The following RBM20 variants were observed in gnomAD, a reference collection of about 807,000 sequenced individuals.
The protein encoded by RBM20 is RNA-binding protein 20.
A neutral mutation model predicts 110.1 loss-of-function variants in RBM20; 51 were observed. The observed-to-expected ratio is 0.46, with a 90% CI of 0.37 to 0.59. The LOEUF is 0.59. Ranked by LOEUF, RBM20 falls within the 20% of genes least tolerant of loss-of-function variation. RBM20 has a pLI of 0.00. For synonymous variants in RBM20, 589 were observed against 618.2 expected, an observed-to-expected ratio of 0.95 and a Z score of 0.70; for missense variants, 1,512 against 1,574.9, an observed-to-expected ratio of 0.96 and a Z score of 0.68.
At chr10:110,768,155 G>T (rs563562267) in intron 1 of RBM20, among the ~76,000 whole-genome samples, 38 of 152,370 alleles carry the variant, frequency 2.5e-4, no homozygotes, top group African/African-American at 8.7e-4. Context: ...AGGCAGGGAG[G>T]TTGCAGTGAG....
At chr10:110,686,542 T>A (rs1237812176) in intron 1 of RBM20, among the ~76,000 whole-genome samples, 1 of 152,180 alleles carries the variant, frequency 6.6e-6, no homozygotes, top group East Asian at 1.9e-4. Context: ...GGAAGGTTGC[T>A]TGAGCCCAGG....
At chr10:110,730,916 C>G (rs762795390) in intron 1 of RBM20, among the ~76,000 whole-genome samples, 1 of 152,190 alleles carries the variant, frequency 6.6e-6, no homozygotes, top group Non-Finnish European at 1.5e-5. Context: ...GTCAAGCCGC[C>G]CCCCATCCTG....
At chr10:110,814,855 C>A (rs1342466431) in intron 9 of RBM20, among the ~76,000 whole-genome samples, 1 of 152,164 alleles carries the variant, frequency 6.6e-6, no homozygotes, top group Non-Finnish European at 1.5e-5. Context: ...TTTTGAAGAA[C>A]CTGGAGATAA....
chr10:110,796,656 G>A (rs918002003), intron 5 of RBM20, among the ~76,000 whole-genome samples: 1 of 152,232 alleles, frequency 6.6e-6, no homozygotes, highest in Non-Finnish European at 1.5e-5. Context: ...GGGAGGCTGA[G>A]TCGGGAGGAT....
In RBM20 at chr10:110,812,716, G is replaced by A. The variant is rs540436428; in HGVS notation, c.2319G>A (p.Lys773=). Residue 773 remains lysine (K), a synonymous_variant, in exon 9 of 14, where the codon AAG becomes AAA. Transcript: ENST00000369519. ...AAGCCAAGTCGGACAAGTATCTGAA[G>A]CAGCAGCAGGATGCCCCCGGGAGGT... ...EPKAKSDKYL[K]QQQDAPGRSR... 2 of 1,551,746 alleles carry A rather than the reference G, an allele frequency of 1.3e-6. No individual in the cohort carries two copies. Among genetic ancestry groups the A allele is most frequent in the Admixed American group, 2.0e-5 (1 of 51,010 alleles).
intron 1 of RBM20, among the ~76,000 whole-genome samples, chr10:110,669,271 G>A (rs1434212894): frequency 6.6e-6 from 1 of 152,230 alleles, no homozygotes; most frequent in Non-Finnish European, 1.5e-5. Flanking sequence ...CACTGGGAAG[G>A]AGTGTGGCAA....
chr10:110,797,447 G>A, intron 5 of RBM20, 61 bp from the exon 6 acceptor site: 9 of 1,451,606 alleles, frequency 6.2e-6, no homozygotes, highest in Non-Finnish European at 8.3e-6. Flanking sequence ...AAGAACGTCT[G>A]GAAGAGAGGG....
At chr10:110,750,442 A>G (rs1002857167) in intron 1 of RBM20, among the ~76,000 whole-genome samples, 1 of 152,164 alleles carries the variant, frequency 6.6e-6, no homozygotes, top group Non-Finnish European at 1.5e-5. Context: ...GCCAGCGCTC[A>G]CATTTTCTCT....
chr10:110,671,470 A>G (rs528152956), intron 1 of RBM20, among the ~76,000 whole-genome samples: 1 of 152,306 alleles, frequency 6.6e-6, no homozygotes, highest in Non-Finnish European at 1.5e-5. Context: ...CCCAGCTTTG[A>G]ATTCCAGCTT....
intron 1 of RBM20, among the ~76,000 whole-genome samples, chr10:110,725,763 A>T (rs963608623): frequency 2.0e-5 from 3 of 152,236 alleles, no homozygotes; most frequent in African/African-American, 4.8e-5. Context: ...AGGCAGCGTT[A>T]AATCTGTTGC....
intron 1 of RBM20, among the ~76,000 whole-genome samples, chr10:110,768,071 A>C (rs541111765): frequency 6.6e-6 from 1 of 152,248 alleles, no homozygotes; most frequent in African/African-American, 2.4e-5. Flanking sequence ...CCACCAAAAA[A>C]ATACGAAAAC....
intron 1 of RBM20, among the ~76,000 whole-genome samples, chr10:110,771,123 G>A (rs947694229): frequency 6.6e-6 from 1 of 152,174 alleles, no homozygotes. Flanking sequence ...TATACATGGA[G>A]CAGGCATGTC....
At chr10:110,673,661 G>A (rs1862292742) in intron 1 of RBM20, among the ~76,000 whole-genome samples, 2 of 152,206 alleles carry the variant, frequency 1.3e-5, no homozygotes, top group African/African-American at 4.8e-5. Context: ...AGCTTAGAAG[G>A]TACTGGCTGC....
chr10:110,768,988 A>G (rs1306693887), intron 1 of RBM20, among the ~76,000 whole-genome samples: 1 of 152,244 alleles, frequency 6.6e-6, no homozygotes, highest in Non-Finnish European at 1.5e-5. Flanking sequence ...ACAAATGGTC[A>G]TGCTGTTTGG....
At chr10:110,767,458 G>C (rs1844116712) in intron 1 of RBM20, among the ~76,000 whole-genome samples, 2 of 150,784 alleles carry the variant, frequency 1.3e-5, no homozygotes, top group African/African-American at 2.4e-5. Context: ...CAGACGGGGT[G>C]GCTGCCGGGC....
intron 1 of RBM20, among the ~76,000 whole-genome samples, chr10:110,698,818 T>A (rs1324851365): frequency 3.3e-5 from 5 of 152,206 alleles, no homozygotes; most frequent in Admixed American, 3.3e-4. Context: ...CTTCAGATGC[T>A]GGCAGAGGAT....
intron 4 of RBM20, 58 bp downstream of exon 4, chr10:110,784,490 A>G (rs1326924420): frequency 1.6e-6 from 2 of 1,227,104 alleles, no homozygotes; most frequent in Non-Finnish European, 2.3e-6. Context: ...CCACAGGCAC[A>G]TTATGTCCTG....
intron 6 of RBM20, 45 bp from the exon 7 acceptor site, chr10:110,799,742 A>G (rs1364243304): frequency 3.3e-5 from 50 of 1,529,522 alleles, no homozygotes; most frequent in Middle Eastern, 3.4e-4. Context: ...CTTGTTTAAG[A>G]CCATTAAAGT....
At chr10:110,757,438 A>G (rs1470467471) in intron 1 of RBM20, among the ~76,000 whole-genome samples, 5 of 152,202 alleles carry the variant, frequency 3.3e-5, no homozygotes, top group Non-Finnish European at 5.9e-5. Context: ...TAGTAAAACA[A>G]AGTTGGAGTA....
Sources: gnomAD v4.1 joint callset for allele counts (sites outside exome capture counted in the v4.1 genomes callset) on GRCh38, gnomAD v4.1.1 for gene constraint, MANE v1.5 for transcripts, NCBI Gene and HGNC (gene_info 2026-07-23, HGNC 2026-07-21) for gene names.